Variants in SEMA5A observed in about 807,000 individuals in gnomAD.
SEMA5A encodes the protein semaphorin-5A.
Under a neutral mutation model 135.5 loss-of-function variants are expected in SEMA5A, and 55 were observed. The observed-to-expected ratio is 0.41, with a 90% CI of 0.33 to 0.51. The LOEUF is 0.51. Among genes scored for constraint, SEMA5A ranks in the 20% least tolerant of loss-of-function variants. The pLI is 0.37. For missense variants in SEMA5A, 1,290 were observed against 1,419.9 expected (o/e 0.91, Z 1.47); for synonymous variants, 580 against 546.5 (o/e 1.06, Z -0.85).
intron 14 of SEMA5A, among the ~76,000 whole-genome samples, chr5:9,121,336 T>G (rs2150182724): frequency 6.6e-6 from 1 of 152,274 alleles, no homozygotes; most frequent in Non-Finnish European, 1.5e-5. Flanking sequence ...TTCACGATTA[T>G]TAGTACAAAG....
intron 3 of SEMA5A, among the ~76,000 whole-genome samples, chr5:9,350,159 G>C (rs1754052152): frequency 1.3e-5 from 2 of 152,112 alleles, no homozygotes; most frequent in South Asian, 4.1e-4. Context: ...TGTCTTCTTA[G>C]AACCAGCTGC....
At chr5:9,170,001 G>A (rs1173868362) in intron 11 of SEMA5A, among the ~76,000 whole-genome samples, 1 of 152,196 alleles carries the variant, frequency 6.6e-6, no homozygotes, top group African/African-American at 2.4e-5. Context: ...CTTCACCCGA[G>A]GGAAAGTGTT....
At chr5:9,268,829 T>G (rs57528850) in intron 5 of SEMA5A, among the ~76,000 whole-genome samples, 10 of 152,162 alleles carry the variant, frequency 6.6e-5, no homozygotes, top group African/African-American at 2.2e-4. Flanking sequence ...ACCAACTGCT[T>G]GAATTTGTAA....
intron 1 of SEMA5A, among the ~76,000 whole-genome samples, chr5:9,481,672 T>C (rs972699776): frequency 1.3e-5 from 2 of 152,196 alleles, no homozygotes; most frequent in African/African-American, 2.4e-5. Context: ...TTTTCTTTTT[T>C]GGTTCCACTT....
chr5:9,453,476 G>A (rs1276766068), intron 1 of SEMA5A, among the ~76,000 whole-genome samples: 3 of 152,174 alleles, frequency 2.0e-5, no homozygotes, highest in Non-Finnish European at 4.4e-5. Context: ...GAACTGGCTG[G>A]TATTCCTAAG....
intron 2 of SEMA5A, among the ~76,000 whole-genome samples, chr5:9,421,575 T>A (rs990738991): frequency 5.3e-5 from 8 of 152,226 alleles, no homozygotes; most frequent in Non-Finnish European, 8.8e-5. Flanking sequence ...AAATAGTTTG[T>A]ATATTTTTAA....
intron 12 of SEMA5A, among the ~76,000 whole-genome samples, chr5:9,149,953 G>A (rs1429388017): frequency 6.6e-6 from 1 of 152,152 alleles, no homozygotes; most frequent in Non-Finnish European, 1.5e-5. Flanking sequence ...TCAGTGAGTG[G>A]CTGCTCTTGG....
chr5:9,469,442 A>AT (rs1351185366), intron 1 of SEMA5A, among the ~76,000 whole-genome samples: 1 of 152,224 alleles, frequency 6.6e-6, no homozygotes, highest in Non-Finnish European at 1.5e-5. Flanking sequence ...ATGTTTACCC[A>AT]TCTCCAAAAT....
intron 5 of SEMA5A, among the ~76,000 whole-genome samples, chr5:9,290,679 C>T (rs1191825149): frequency 6.6e-6 from 1 of 152,142 alleles, no homozygotes; most frequent in Non-Finnish European, 1.5e-5. Context: ...GCTAGATATA[C>T]AGAAACATTG....
At chr5:9,542,076 T>C (rs1042599723) in intron 1 of SEMA5A, among the ~76,000 whole-genome samples, 1 of 152,232 alleles carries the variant, frequency 6.6e-6, no homozygotes, top group African/African-American at 2.4e-5. Flanking sequence ...TTTCTTCTTT[T>C]CTCCCTATCA....
At chr5:9,365,302 C>G (rs1754867609) in intron 3 of SEMA5A, among the ~76,000 whole-genome samples, 1 of 152,016 alleles carries the variant, frequency 6.6e-6, no homozygotes, top group Non-Finnish European at 1.5e-5. Context: ...TTTCAGTAAT[C>G]AAGATAAATA....
At chr5:9,389,765 C>G (rs1756069529) in intron 2 of SEMA5A, among the ~76,000 whole-genome samples, 1 of 152,172 alleles carries the variant, frequency 6.6e-6, no homozygotes, top group South Asian at 2.1e-4. Flanking sequence ...CCTTAAGCAT[C>G]ACTTCTATGG....
At chr5:9,100,417 C>A (rs1184159820) in intron 16 of SEMA5A, among the ~76,000 whole-genome samples, 1 of 152,128 alleles carries the variant, frequency 6.6e-6, no homozygotes, top group African/African-American at 2.4e-5. Flanking sequence ...TTCTCTGAAG[C>A]CCCAGGAGAC....
intron 6 of SEMA5A, among the ~76,000 whole-genome samples, chr5:9,229,647 G>A (rs1328109382): frequency 2.0e-5 from 3 of 151,850 alleles, no homozygotes; most frequent in Non-Finnish European, 2.9e-5. Context: ...CAGAATAGAA[G>A]GGTGAGGTTT....
At chr5:9,473,517 C>A (rs1201639451) in intron 1 of SEMA5A, among the ~76,000 whole-genome samples, 1 of 151,616 alleles carries the variant, frequency 6.6e-6, no homozygotes, top group Non-Finnish European at 1.5e-5. Context: ...AGAGAGCAGG[C>A]AGGGTATGTA....
intron 5 of SEMA5A, among the ~76,000 whole-genome samples, chr5:9,292,212 C>A (rs924058067): frequency 7.9e-5 from 12 of 152,202 alleles, no homozygotes; most frequent in Admixed American, 2.6e-4. Context: ...GTTTGTAAAT[C>A]AATTCTGTGA....
chr5:9,136,506 G>T lies in SEMA5A; in HGVS notation c.1597C>A (p.Pro533Thr). ...GGATGGAGAAGGTGGGCACTCACCG[G>T]ACACGCAGAGATGCTCTGTTCCCAC... Reference protein sequence around the residue: ...TQWEQSISACPTRNLTVDGHF... With the variant: ...TQWEQSISACTTRNLTVDGHF... Residue 533 changes from proline to threonine, a missense_variant and splice_region_variant, in exon 13 of 23, where the codon CCG becomes ACG. Pro to Thr is a conservative substitution (Grantham distance 38). Transcript: ENST00000382496. The T allele has an allele frequency of 6.2e-7, 1 of 1,612,556 alleles. No individual in the cohort carries two copies.
intron 2 of SEMA5A, among the ~76,000 whole-genome samples, chr5:9,381,942 T>TTTTGTGTG (rs3221787): frequency 2.7e-5 from 3 of 109,302 alleles, no homozygotes; most frequent in African/African-American, 3.6e-5. Context: ...TAGAATCATT[T>TTTTGTGTG]TGTGTGTGTG....
intron 3 of SEMA5A, among the ~76,000 whole-genome samples, chr5:9,339,233 G>C (rs2150723673): frequency 6.6e-6 from 1 of 152,268 alleles, no homozygotes; most frequent in Non-Finnish European, 1.5e-5. Context: ...CAATGCAAGT[G>C]TTTATAGGGG....
Sources: allele counts gnomAD v4.1 joint callset (sites outside exome capture counted in the v4.1 genomes callset), GRCh38; gene constraint gnomAD v4.1.1; transcripts MANE v1.5; gene names NCBI Gene and HGNC (gene_info 2026-07-23, HGNC 2026-07-21).